THTPA: variants seen among roughly 807,000 people sequenced by gnomAD.
THTPA encodes thiamine-triphosphatase.
THTPA carries 16 observed loss-of-function variants against 16.5 expected under a neutral mutation model. That is an observed-to-expected ratio of 0.97 (90% CI 0.66 to 1.47). The LOEUF is 1.47. THTPA is among the 40% of genes most tolerant of loss of function. The pLI, the probability that THTPA is intolerant of heterozygous loss-of-function variation, is 0.00. For synonymous variants in THTPA, 110 were observed against 115.5 expected (o/e 0.95, Z 0.30); for missense variants, 281 against 280.9 (o/e 1.00, Z 0.00).
the THTPA span, among the ~76,000 whole-genome samples, chr14:23,545,478 A>G: frequency 6.6e-6 from 1 of 151,974 alleles, no homozygotes; most frequent in Non-Finnish European, 1.5e-5. Flanking sequence ...GCTCTCTCCC[A>G]TCTCCAAGTC....
the THTPA span, among the ~76,000 whole-genome samples, chr14:23,536,543 T>C: frequency 6.6e-6 from 1 of 152,214 alleles, no homozygotes; most frequent in Non-Finnish European, 1.5e-5. Flanking sequence ...AAATAATAAG[T>C]AATAGTAATA....
chr14:23,535,707 C>G, the THTPA span, among the ~76,000 whole-genome samples: 2 of 152,134 alleles, frequency 1.3e-5, no homozygotes, highest in African/African-American at 4.8e-5. The surrounding 1 kb of genome is among the most constrained non-coding windows in gnomAD (Gnocchi z 4.5). Flanking sequence ...ATTCTCCTGC[C>G]TCAGCCTCCT....
the THTPA span, chr14:23,520,939 TTC>T: frequency 1.3e-5 from 2 of 152,082 alleles, no homozygotes; most frequent in African/African-American, 4.8e-5. The surrounding 1 kb of genome is among the most constrained non-coding windows in gnomAD (Gnocchi z 8.7). Flanking sequence ...TGGTGTCCGT[TTC>T]TCTCTTTTGT....
At chr14:23,534,731 C>T in the THTPA span, 1 of 1,536,180 alleles carries the variant, frequency 6.5e-7, no homozygotes, top group Non-Finnish European at 8.7e-7. This position sits in a 1 kb window ranked among gnomAD's most constrained non-coding sequence, Gnocchi z 4.5. Context: ...TCCTCACAGG[C>T]AGCCGGAGAT....
chr14:23,519,383 G>T, the THTPA span, among the ~76,000 whole-genome samples: 4 of 152,262 alleles, frequency 2.6e-5, no homozygotes, highest in African/African-American at 7.2e-5. Flanking sequence ...CACAAGTGAA[G>T]AATCTTCTTT....
At chr14:23,523,517 G>T in the THTPA span, 1 of 1,536,442 alleles carries the variant, frequency 6.5e-7, no homozygotes, top group Non-Finnish European at 8.7e-7. This position sits in a 1 kb window ranked among gnomAD's most constrained non-coding sequence, Gnocchi z 4.1. Context: ...GCGCTGGGCT[G>T]CTAAGAGGCC....
the THTPA span, chr14:23,526,880 GC>G: frequency 6.5e-7 from 1 of 1,534,058 alleles, no homozygotes; most frequent in Admixed American, 2.0e-5. Flanking sequence ...GTAGGCTCTG[GC>G]CCATGAGTGG....
the THTPA span, chr14:23,525,091 G>A: frequency 1.0e-5 from 16 of 1,536,162 alleles, no homozygotes; most frequent in African/African-American, 2.7e-5. The surrounding 1 kb of genome is among the most constrained non-coding windows in gnomAD (Gnocchi z 5.9). Flanking sequence ...TGGGGTAGGC[G>A]CTAGTCTCAA....
chr14:23,551,872 C>T (rs914119798), upstream of THTPA, among the ~76,000 whole-genome samples: 2 of 152,220 alleles, frequency 1.3e-5, no homozygotes, highest in African/African-American at 2.4e-5. This position sits in a 1 kb window ranked among gnomAD's most constrained non-coding sequence, Gnocchi z 5.3. Flanking sequence ...CCGCCTGCCT[C>T]GCGGGACCCA....
chr14:23,531,811 C>T, the THTPA span: 4 of 1,258,704 alleles, frequency 3.2e-6, no homozygotes, highest in East Asian at 3.1e-5. Context: ...AGAGTCTTGC[C>T]CTGTTGCCCA....
the THTPA span, chr14:23,522,311 T>C: frequency 6.6e-7 from 1 of 1,523,754 alleles, no homozygotes; most frequent in Non-Finnish European, 8.8e-7. Flanking sequence ...AAATGCCATC[T>C]TGCACTGGCG....
the THTPA span, chr14:23,533,994 G>C: frequency 1.3e-6 from 2 of 1,537,462 alleles, no homozygotes; most frequent in Non-Finnish European, 1.7e-6. This position sits in a 1 kb window ranked among gnomAD's most constrained non-coding sequence, Gnocchi z 4.8. Context: ...TGCGTGAGTG[G>C]AGCAGGGACA....
chr14:23,523,329 G>C, the THTPA span: 1 of 1,457,588 alleles, frequency 6.9e-7, no homozygotes, highest in South Asian at 1.4e-5. The surrounding 1 kb of genome is among the most constrained non-coding windows in gnomAD (Gnocchi z 4.1). Context: ...GTGGTGGCAG[G>C]TGGGGCCTTG....
chr14:23,517,965 T>G, the THTPA span, among the ~76,000 whole-genome samples: 1 of 152,252 alleles, frequency 6.6e-6, no homozygotes, highest in East Asian at 1.9e-4. Flanking sequence ...TCTCTGTTTA[T>G]AAGCTTTTTC....
At chr14:23,534,122 G>A in the THTPA span, 1 of 1,484,516 alleles carries the variant, frequency 6.7e-7, no homozygotes, top group South Asian at 1.3e-5. The surrounding 1 kb of genome is among the most constrained non-coding windows in gnomAD (Gnocchi z 4.5). Flanking sequence ...GGGGCAGGGA[G>A]AGTGCCCCCC....
chr14:23,524,528 A>C, the THTPA span: 10 of 1,526,808 alleles, frequency 6.5e-6, no homozygotes, highest in African/African-American at 2.7e-5. The surrounding 1 kb of genome is among the most constrained non-coding windows in gnomAD (Gnocchi z 5.6). Flanking sequence ...GGGCAGATCT[A>C]GGAGTTGGGG....
At chr14:23,553,087 ATAAG>A (rs1490192613), upstream of THTPA, among the ~76,000 whole-genome samples, 1 of 152,246 alleles carries the variant, frequency 6.6e-6, no homozygotes, top group East Asian at 1.9e-4. Context: ...CCAATGGCCA[ATAAG>A]TAAGTGACAG....
chr14:23,530,154 A>C, the THTPA span: 1 of 1,535,966 alleles, frequency 6.5e-7, no homozygotes, highest in South Asian at 1.2e-5. Flanking sequence ...CATCTTTCTC[A>C]GGGGTGGGTG....
At chr14:23,526,830 G>A in the THTPA span, 7 of 1,524,876 alleles carry the variant, frequency 4.6e-6, no homozygotes, top group Non-Finnish European at 6.1e-6. Context: ...TGGGAGGTTT[G>A]CTGTTCCATT....
Sources: gnomAD v4.1 joint callset for allele counts (sites outside exome capture counted in the v4.1 genomes callset) on GRCh38, gnomAD v4.1.1 for gene constraint, Gnocchi (gnomAD v3.1) non-coding constraint, MANE v1.5 for transcripts, NCBI Gene and HGNC (gene_info 2026-07-23, HGNC 2026-07-21) for gene names.